KAZN: variants seen among roughly 807,000 people sequenced by gnomAD.
KAZN encodes the protein kazrin, periplakin interacting protein, also known as kazrin.
A neutral mutation model predicts 87.4 loss-of-function variants in KAZN; 40 were observed. That is an observed-to-expected ratio of 0.46 (90% CI 0.36 to 0.60). The LOEUF (loss-of-function observed/expected upper bound fraction) is 0.60, where lower values mean the gene tolerates loss of function less well. Among genes scored for constraint, KAZN ranks in the 20% least tolerant of loss-of-function variants. The pLI, the probability that KAZN is intolerant of heterozygous loss-of-function variation, is 0.00. For synonymous variants in KAZN, 466 were observed against 458.3 expected (o/e 1.02, Z -0.22); for missense variants, 898 against 1,073.9 (o/e 0.84, Z 2.29).
At chr1:14,766,919 C>T (rs954659379) in intron 1 of KAZN, among the ~76,000 whole-genome samples, 1 of 151,864 alleles carries the variant, frequency 6.6e-6, no homozygotes, top group Non-Finnish European at 1.5e-5. Context: ...GCTATTGGAG[C>T]TACAACAGAG....
chr1:14,031,692 T>C (rs1252214897), intron 1 of KAZN, among the ~76,000 whole-genome samples: 2 of 152,234 alleles, frequency 1.3e-5, no homozygotes, highest in Admixed American at 1.3e-4. Context: ...GTAATTTTGA[T>C]ATTTTGACCA....
intron 1 of KAZN, among the ~76,000 whole-genome samples, chr1:14,840,330 C>A (rs1647813274): frequency 6.6e-6 from 1 of 152,174 alleles, no homozygotes; most frequent in African/African-American, 2.4e-5. Flanking sequence ...CTCATTTCAA[C>A]CTTTTCTCCC....
At chr1:13,932,143 C>T (rs988176203) in intron 1 of KAZN, among the ~76,000 whole-genome samples, 4 of 152,058 alleles carry the variant, frequency 2.6e-5, no homozygotes, top group Non-Finnish European at 5.9e-5. Flanking sequence ...CAGATATGAG[C>T]CACCATGCCC....
At chr1:14,056,422 C>T (rs1017581632) in intron 1 of KAZN, among the ~76,000 whole-genome samples, 8 of 152,154 alleles carry the variant, frequency 5.3e-5, no homozygotes, top group African/African-American at 1.9e-4. Context: ...TGTGGATAAA[C>T]TCTAGAAGTT....
In KAZN at chr1:14,793,314, A is replaced by G. The variant is rs115331489; in HGVS notation, c.227-167370A>G. On this transcript the variant is annotated intron_variant, in intron 1 of 14. Transcript: ENST00000376030. The stretch of plus-strand genomic sequence containing the variant: ...GAGAGGAGCCCCAAGGACCCACTGC[A>G]TTTTCCCAGGCTCCTTTAAGATGTT... Among the ~76,000 whole-genome samples the G allele has an allele frequency of 2.4e-3, 346 of 142,622 alleles. 1 individual carries two copies. Among genetic ancestry groups the G allele is most frequent in the African/African-American group, 8.2e-3 (331 of 40,400 alleles). 93.6% of individuals were successfully genotyped at this position (142,622 alleles called of 152,430 possible). A position where few individuals can be genotyped will look rare whatever the true frequency, so the allele number is the denominator to read the frequency against.
chr1:14,112,432 TGGG>T (rs1644519857), intron 1 of KAZN, among the ~76,000 whole-genome samples: 3 of 151,754 alleles, frequency 2.0e-5, no homozygotes, highest in Admixed American at 6.6e-5. Context: ...TTGGCCACTG[TGGG>T]TTGTCAACAG....
At chr1:14,051,889 C>CA (rs961323207) in intron 1 of KAZN, among the ~76,000 whole-genome samples, 8 of 151,752 alleles carry the variant, frequency 5.3e-5, no homozygotes, top group Non-Finnish European at 1.2e-4. Flanking sequence ...AACCCAAAAC[C>CA]AAAAAAAATG....
chr1:15,043,309 A>G (rs114064096), intron 3 of KAZN, among the ~76,000 whole-genome samples: 3,277 of 152,228 alleles, frequency 0.022, 31 homozygotes, highest in Middle Eastern at 0.058. Context: ...CAACTATTGC[A>G]CCCTAACTTC....
At chr1:15,025,237 G>A (rs1671053361) in intron 2 of KAZN, among the ~76,000 whole-genome samples, 1 of 152,194 alleles carries the variant, frequency 6.6e-6, no homozygotes, top group Non-Finnish European at 1.5e-5. Context: ...TGGCCCAGGT[G>A]AGGGAAATAA....
intron 1 of KAZN, among the ~76,000 whole-genome samples, chr1:14,844,216 A>G (rs1648388664): frequency 6.6e-6 from 1 of 152,144 alleles, no homozygotes; most frequent in Non-Finnish European, 1.5e-5. Flanking sequence ...GCCTTAGGAA[A>G]GCTCCTGCCC....
intron 1 of KAZN, among the ~76,000 whole-genome samples, chr1:13,910,645 T>C (rs547646151): frequency 6.6e-6 from 1 of 152,124 alleles, no homozygotes; most frequent in South Asian, 2.1e-4. Context: ...GCTAGCATCA[T>C]GCTTCCTGTA....
chr1:14,115,899 G>C (rs12061534), intron 1 of KAZN, among the ~76,000 whole-genome samples: 13,263 of 152,206 alleles, frequency 0.087, 1,133 homozygotes, highest in African/African-American at 0.22. Context: ...GCAAAGGTGA[G>C]TCTTGTTACG....
chr1:14,880,936 G>A (rs1316647958), intron 1 of KAZN, among the ~76,000 whole-genome samples: 2 of 152,212 alleles, frequency 1.3e-5, no homozygotes, highest in Non-Finnish European at 2.9e-5. Flanking sequence ...TGAGGGTTGA[G>A]CAGCAGCAAG....
chr1:14,070,100 C>T (rs59055663), intron 1 of KAZN, among the ~76,000 whole-genome samples: 15,483 of 146,406 alleles, frequency 0.11, 1,187 homozygotes, highest in East Asian at 0.43. Flanking sequence ...ACCTGAGAAA[C>T]GGAGGTTGCA....
chr1:13,896,768 T>C (rs1233950941), intron 1 of KAZN, among the ~76,000 whole-genome samples: 2 of 152,198 alleles, frequency 1.3e-5, no homozygotes, highest in South Asian at 4.1e-4. Context: ...ATCTTTTATA[T>C]CTGTAAGTAT....
chr1:14,436,516 G>C (rs547141555), intron 2 of KAZN, among the ~76,000 whole-genome samples: 1 of 150,948 alleles, frequency 6.6e-6, no homozygotes, highest in Non-Finnish European at 1.5e-5. Context: ...TCAGGAGTTC[G>C]AGACCAGCCT....
At chr1:14,394,436 A>G (rs1375810267) in intron 2 of KAZN, among the ~76,000 whole-genome samples, 1 of 152,252 alleles carries the variant, frequency 6.6e-6, no homozygotes, top group East Asian at 1.9e-4. Context: ...TGAAGGAAAC[A>G]ACTGAAAAGC....
chr1:14,115,586 T>C (rs1265483220), intron 1 of KAZN, among the ~76,000 whole-genome samples: 1 of 152,186 alleles, frequency 6.6e-6, no homozygotes, highest in Non-Finnish European at 1.5e-5. Context: ...AACCTTTTAC[T>C]TCCCAGTCCT....
At chr1:14,122,797 A>T (rs1439666028) in intron 1 of KAZN, among the ~76,000 whole-genome samples, 1 of 152,166 alleles carries the variant, frequency 6.6e-6, no homozygotes, top group African/African-American at 2.4e-5. Context: ...CTACAACATC[A>T]TGCCTTAAGA....
Sources: allele counts gnomAD v4.1 joint callset (sites outside exome capture counted in the v4.1 genomes callset), GRCh38; gene constraint gnomAD v4.1.1; transcripts MANE v1.5; gene names NCBI Gene and HGNC (gene_info 2026-07-23, HGNC 2026-07-21).